The following NUP37 variants were observed in gnomAD, a reference collection of about 807,000 sequenced individuals.
NUP37 encodes the protein nucleoporin Nup37.
Under a neutral mutation model 45.4 loss-of-function variants are expected in NUP37, and 33 were observed. The ratio of observed to expected loss-of-function variants is 0.73; its 90% confidence interval spans 0.55 to 0.97. NUP37 has a LOEUF of 0.97. Ranked by LOEUF, NUP37 falls within the 50% of genes least tolerant of loss-of-function variation. The pLI is 0.00. For missense variants in NUP37, 365 were observed against 389.7 expected, an observed-to-expected ratio of 0.94 and a Z score of 0.53; for synonymous variants, 127 against 130.7, an observed-to-expected ratio of 0.97 and a Z score of 0.19.
chr12:102,113,163 G>C (rs907957138), intron 2 of NUP37, among the ~76,000 whole-genome samples: 6 of 152,210 alleles, frequency 3.9e-5, no homozygotes, highest in African/African-American at 1.2e-4. Flanking sequence ...AAGGTATGCA[G>C]CTGTTATAAG....
chr12:102,112,114 A>G lies in NUP37; in HGVS notation c.275T>C (p.Val92Ala), dbSNP rs770853497. The change falls in exon 3 of 10, where the codon GTA becomes GCA. Residue 92 changes from valine to alanine, a missense_variant. By Grantham distance (64) the Val-to-Ala change is moderately conservative (BLOSUM62 0). Coordinates refer to ENST00000552283, the MANE Select transcript of NUP37 (RefSeq NM_024057.4). ...TTGGTACTGTTAAACTTACTTGATT[A>G]CTGGAGGCAATGAATCAAGTCTAGT... ...PETRLDSLPP[V>A]IKFCTSAADM... The G allele has an allele frequency of 1.9e-6, 3 of 1,613,532 alleles. No individual in the cohort carries two copies. The South Asian group carries it at 3.3e-5, about 18-fold the overall frequency.
intron 4 of NUP37, among the ~76,000 whole-genome samples, chr12:102,099,991 C>A (rs1026741712): frequency 8.6e-5 from 13 of 150,372 alleles, no homozygotes; most frequent in Non-Finnish European, 1.9e-4. Context: ...AAAAAAAAAA[C>A]AAAAAACAAA....
chr12:102,076,553 G>T (rs940703288), intron 8 of NUP37, among the ~76,000 whole-genome samples: 2 of 152,154 alleles, frequency 1.3e-5, no homozygotes, highest in Non-Finnish European at 2.9e-5. Context: ...AAATTGTAGG[G>T]GTGGTAGTGG....
intron 5 of NUP37, among the ~76,000 whole-genome samples, chr12:102,086,527 T>C (rs1332660911): frequency 6.6e-6 from 1 of 152,216 alleles, no homozygotes; most frequent in African/African-American, 2.4e-5. Context: ...CTTTCCTCAA[T>C]AGTTACAAAT....
In NUP37 at chr12:102,109,800, AAGCATAGAATACAAC is replaced by A. The variant is rs151015661; in HGVS notation, c.281+2293_281+2307del. On this transcript the variant is annotated intron_variant, in intron 3 of 9. Transcript: ENST00000552283. ...GAAAACAAGTACTAAGCAACAAGGA[AAGCATAGAATACAAC>A]AGCTGAATATGTAGATTAAAGAGGT... 1.6e-3 allele frequency among the ~76,000 whole-genome samples: 242 copies of A among 152,320 alleles called. 3 individuals are homozygous for A. The East Asian group carries it at 0.029, about 18-fold the overall frequency.
intron 5 of NUP37, among the ~76,000 whole-genome samples, chr12:102,087,702 G>GC (rs1469732271): frequency 6.6e-6 from 1 of 152,164 alleles, no homozygotes; most frequent in Non-Finnish European, 1.5e-5. Flanking sequence ...TGAAAATTCA[G>GC]CAAGTCCCAT....
intron 1 of NUP37, 37 bp from the exon 2 acceptor site, chr12:102,118,620 A>G (rs1880564176): frequency 3.0e-6 from 3 of 1,009,168 alleles, no homozygotes; most frequent in Middle Eastern, 2.4e-4. Flanking sequence ...ACAATGGTCA[A>G]TATGTTAGTC....
chr12:102,077,622 G>T, intron 6 of NUP37, 119 bp from the exon 7 acceptor site: 1 of 990,214 alleles, frequency 1.0e-6, no homozygotes, highest in Non-Finnish European at 1.4e-6. Flanking sequence ...TACAGGTTCA[G>T]CATTCCTCAT....
In NUP37 at chr12:102,112,110, G is replaced by C. The variant is rs769472950; in HGVS notation, c.279C>G (p.Ile93Met). The C allele has an allele frequency of 1.2e-6, 2 of 1,613,286 alleles. No homozygotes were observed. The highest frequency in any genetic ancestry group is 1.3e-5 in the African/African-American group (1 of 74,906). Residue 93 changes from isoleucine to methionine, a missense_variant and splice_region_variant, in exon 3 of 10, where the codon ATC becomes ATG. Ile to Met is a conservative substitution (Grantham distance 10, BLOSUM62 1). Coordinates refer to ENST00000552283, the MANE Select transcript of NUP37 (RefSeq NM_024057.4). ...GCATTTGGTACTGTTAAACTTACTT[G>C]ATTACTGGAGGCAATGAATCAAGTC... ...ETRLDSLPPV[I>M]KFCTSAADMK... is the part of the protein sequence containing the mutation.
Position 102,087,027 on chromosome 12 carries a change from G to C in NUP37, c.450-1171C>G, listed in dbSNP as rs56197521. On this transcript the variant is annotated intron_variant, in intron 5 of 9. Coordinates refer to ENST00000552283, the MANE Select transcript of NUP37 (RefSeq NM_024057.4). ...ACGTGGGAGGATTGCTTGAGCACAG[G>C]AGGTGGAGGCTACAATGTGCCACGT... Among the ~76,000 whole-genome samples the C allele has an allele frequency of 3.3e-3, 509 of 152,298 alleles. 1 individual carries two copies. Among genetic ancestry groups the C allele is most frequent in the African/African-American group, 0.011 (475 of 41,558 alleles).
At chr12:102,087,447 T>C (rs1486904820) in intron 5 of NUP37, among the ~76,000 whole-genome samples, 1 of 152,252 alleles carries the variant, frequency 6.6e-6, no homozygotes, top group African/African-American at 2.4e-5. Flanking sequence ...TTTAGAAGCA[T>C]ACTGTTCTCT....
chr12:102,088,787 T>G lies in NUP37; in HGVS notation c.450-2931A>C, dbSNP rs557892039. 4.6e-5 allele frequency among the ~76,000 whole-genome samples: 7 copies of G among 150,826 alleles called. No homozygotes were observed. In the East Asian group the frequency reaches 1.4e-3, roughly 29 times the overall value. ...GGGATGTGGCAGGGTCATAGGATAATAGTGGAGAGAAGGTCAGCAGATTAA... is the reference window on the plus strand; with the variant it reads ...GGGATGTGGCAGGGTCATAGGATAAGAGTGGAGAGAAGGTCAGCAGATTAA... On this transcript the variant is annotated intron_variant, in intron 5 of 9. Transcript: ENST00000552283.
intron 4 of NUP37, 78 bp from the exon 5 acceptor site, chr12:102,099,278 T>A: frequency 1.0e-6 from 1 of 1,002,092 alleles, no homozygotes; most frequent in Non-Finnish European, 1.6e-6. Flanking sequence ...TATTTTTGCT[T>A]CACTGCCTTA....
intron 7 of NUP37, chr12:102,077,050 AG>A: frequency 1.6e-6 from 1 of 608,308 alleles, no homozygotes; most frequent in East Asian, 2.8e-5. Context: ...ATCATGCAAC[AG>A]GGTCAGTGTT....
rs991307761 is a variant in NUP37, at chr12:102,080,472, TTAAGA to T, written c.541-2974_541-2970del. Reference sequence around the variant, plus strand: ...ATGATTCTTTAAGAACAGGCAAATGTTAAGATAATACTAATGCTACTAACAATAAG... The same window carrying T: ...ATGATTCTTTAAGAACAGGCAAATGTTAATACTAATGCTACTAACAATAAG... On this transcript the variant is annotated intron_variant, in intron 6 of 9. Transcript: ENST00000552283. 7.3e-4 allele frequency among the ~76,000 whole-genome samples: 111 copies of T among 152,200 alleles called. 1 individual carries two copies. Among genetic ancestry groups the T allele is most frequent in the African/African-American group, 1.3e-3 (55 of 41,534 alleles).
chr12:102,084,336 C>T (rs1427688494), intron 6 of NUP37, among the ~76,000 whole-genome samples: 2 of 152,070 alleles, frequency 1.3e-5, no homozygotes, highest in Non-Finnish European at 2.9e-5. Context: ...GAGGACAGAA[C>T]AGAATCAACA....
At chr12:102,077,562 G>C in intron 6 of NUP37, 59 bp from the exon 7 acceptor site, 1 of 1,455,764 alleles carries the variant, frequency 6.9e-7, no homozygotes, top group Non-Finnish European at 9.4e-7. Flanking sequence ...TATACCTGAA[G>C]TGTAAGCAGA....
chr12:102,109,012 CT>C (rs1473695513), intron 3 of NUP37, among the ~76,000 whole-genome samples: 1 of 152,124 alleles, frequency 6.6e-6, no homozygotes, highest in Admixed American at 6.5e-5. Context: ...AGAATACTTA[CT>C]TAAAAAGAAA....
chr12:102,112,043 C>T (rs1880332103), intron 3 of NUP37, 65 bp downstream of exon 3: 1 of 1,458,198 alleles, frequency 6.9e-7, no homozygotes, highest in East Asian at 2.3e-5. Context: ...TATGATCAGA[C>T]TTCCAATCAT....
Sources: allele counts gnomAD v4.1 joint callset (sites outside exome capture counted in the v4.1 genomes callset), GRCh38; gene constraint gnomAD v4.1.1; transcripts MANE v1.5; gene names NCBI Gene and HGNC (gene_info 2026-07-23, HGNC 2026-07-21).